The following ROBO1 variants were observed in gnomAD, a reference collection of about 807,000 sequenced individuals.
The protein encoded by ROBO1 is roundabout guidance receptor 1, also known as roundabout homolog 1.
In ROBO1, 149 loss-of-function variants were observed where a neutral mutation model predicts 195.9. The ratio of observed to expected loss-of-function variants is 0.76; its 90% confidence interval spans 0.67 to 0.87. The LOEUF (loss-of-function observed/expected upper bound fraction) is 0.87. Among genes scored for constraint, ROBO1 ranks in the 40% least tolerant of loss-of-function variants. ROBO1 has a pLI of 0.00. For missense variants in ROBO1, 1,933 were observed against 2,068.3 expected (o/e 0.93, Z 1.27); for synonymous variants, 816 against 733.2 (o/e 1.11, Z -1.82).
Position 78,864,713 on chromosome 3 carries a change from C to G in ROBO1, c.499+73888G>C, listed in dbSNP as rs552088562. On this transcript the variant is annotated intron_variant, in intron 4 of 30. Transcript: ENST00000464233. The stretch of plus-strand genomic sequence containing the variant: ...GCATGTATGTATATATACATATATA[C>G]ACATGTGTGTATATATACATACATA... 3.0e-4 allele frequency among the ~76,000 whole-genome samples: 46 copies of G among 151,280 alleles called. No individual in the cohort carries two copies. In the South Asian group the frequency reaches 9.4e-3, roughly 31 times the overall value.
chr3:79,346,838 A>C (rs558146712), intron 2 of ROBO1, among the ~76,000 whole-genome samples: 1 of 151,700 alleles, frequency 6.6e-6, no homozygotes, highest in Non-Finnish European at 1.5e-5. Flanking sequence ...TATAGATTAC[A>C]TTAATAATTA....
rs141834580 is a variant in ROBO1 at position 79,257,635 on chromosome 3, T to G, written c.89-132096A>C. Among the ~76,000 whole-genome samples the G allele has an allele frequency of 2.1e-3, 325 of 152,220 alleles. 2 individuals carry two copies. The highest frequency in any genetic ancestry group is 7.5e-3 in the African/African-American group (311 of 41,540). On this transcript the variant is annotated intron_variant, in intron 2 of 30. Coordinates refer to ENST00000464233, the MANE Select transcript of ROBO1 (RefSeq NM_002941.4). ...GCTCATTTTATACCATAATGATTGTTTGAAGTAAGCAGGAAAGGGGGAACA... is the reference window on the plus strand; with the variant it reads ...GCTCATTTTATACCATAATGATTGTGTGAAGTAAGCAGGAAAGGGGGAACA...
intron 3 of ROBO1, among the ~76,000 whole-genome samples, chr3:79,011,798 T>C (rs1413329524): frequency 1.3e-5 from 2 of 152,012 alleles, no homozygotes; most frequent in Non-Finnish European, 2.9e-5. Flanking sequence ...GTTATGCTCA[T>C]TGAAATTGTA....
chr3:79,426,997 G>A (rs1275078953), intron 2 of ROBO1, among the ~76,000 whole-genome samples: 6 of 151,858 alleles, frequency 4.0e-5, no homozygotes, highest in African/African-American at 9.7e-5. Flanking sequence ...TCCTTATCCC[G>A]GTTTTATAAA....
intron 2 of ROBO1, among the ~76,000 whole-genome samples, chr3:79,431,373 C>A (rs1312587924): frequency 1.3e-5 from 2 of 152,056 alleles, no homozygotes; most frequent in Non-Finnish European, 2.9e-5. Flanking sequence ...TCATTCCCAC[C>A]GTGCAAGTGG....
intron 2 of ROBO1, among the ~76,000 whole-genome samples, chr3:79,174,608 C>T (rs1004343229): frequency 2.6e-5 from 4 of 151,994 alleles, no homozygotes; most frequent in East Asian, 1.9e-4. Context: ...AATAGGAACA[C>T]GTGGGTTCAT....
At chr3:78,949,659 A>G (rs2040661696) in intron 3 of ROBO1, among the ~76,000 whole-genome samples, 1 of 152,044 alleles carries the variant, frequency 6.6e-6, no homozygotes, top group African/African-American at 2.4e-5. Flanking sequence ...AAATTGACAA[A>G]TGGGATCTAA....
At chr3:79,334,352 GTATA>G (rs896930328) in intron 2 of ROBO1, among the ~76,000 whole-genome samples, 1 of 142,396 alleles carries the variant, frequency 7.0e-6, no homozygotes, top group Non-Finnish European at 1.5e-5. Flanking sequence ...ATGTATATAT[GTATA>G]TATATATGTA....
At chr3:79,203,176 G>A (rs1427570880) in intron 2 of ROBO1, among the ~76,000 whole-genome samples, 1 of 152,174 alleles carries the variant, frequency 6.6e-6, no homozygotes, top group African/African-American at 2.4e-5. Flanking sequence ...GGACAAGAAA[G>A]CAGATCTGGA....
rs527449365 is a variant in ROBO1, at chr3:79,560,515, T to A, written c.88+29309A>T. Among the ~76,000 whole-genome samples the A allele has an allele frequency of 4.9e-4, 63 of 128,042 alleles. 1 individual carries two copies. In the East Asian group the frequency reaches 0.012, roughly 25 times the overall value. The allele number at this position is 128,042 out of a possible 152,430, so 84.0% of individuals were successfully genotyped here. On this transcript the variant is annotated intron_variant, in intron 2 of 30. Transcript: ENST00000464233. ...ACATTGTGCACATGTACCCTAAAACTTAAAGTATAATAATAATAATTATAT... is the reference window on the plus strand; with the variant it reads ...ACATTGTGCACATGTACCCTAAAACATAAAGTATAATAATAATAATTATAT...
intron 2 of ROBO1, among the ~76,000 whole-genome samples, chr3:79,298,155 A>G (rs888661887): frequency 5.3e-5 from 8 of 152,140 alleles, no homozygotes; most frequent in Admixed American, 5.2e-4. Flanking sequence ...CTCTGGGTAG[A>G]GAGAGGCAGG....
At chr3:78,861,860 C>T (rs948972546) in intron 4 of ROBO1, among the ~76,000 whole-genome samples, 1 of 152,118 alleles carries the variant, frequency 6.6e-6, no homozygotes, top group African/African-American at 2.4e-5. Context: ...ATATTTAATA[C>T]AAGCTGCTCA....
intron 2 of ROBO1, among the ~76,000 whole-genome samples, chr3:79,139,494 T>C (rs2080478079): frequency 6.6e-6 from 1 of 152,078 alleles, no homozygotes; most frequent in Non-Finnish European, 1.5e-5. Context: ...TGTCTAAACG[T>C]TTGGTTTAAG....
chr3:79,175,724 C>A (rs1042241878), intron 2 of ROBO1, among the ~76,000 whole-genome samples: 1 of 152,116 alleles, frequency 6.6e-6, no homozygotes. Flanking sequence ...CATATTTGGC[C>A]ATGTGACATA....
At chr3:79,146,412 C>T (rs2080651940) in intron 2 of ROBO1, among the ~76,000 whole-genome samples, 1 of 151,846 alleles carries the variant, frequency 6.6e-6, no homozygotes, top group South Asian at 2.1e-4. Flanking sequence ...TTTTTGTGAA[C>T]ATAACTGCAG....
At chr3:79,238,375 A>T (rs2082452415) in intron 2 of ROBO1, among the ~76,000 whole-genome samples, 1 of 152,190 alleles carries the variant, frequency 6.6e-6, no homozygotes, top group Non-Finnish European at 1.5e-5. Context: ...ATTTCTGGAA[A>T]TGCAATACTC....
At chr3:78,840,764 C>G (rs1342736360) in intron 4 of ROBO1, among the ~76,000 whole-genome samples, 1 of 151,980 alleles carries the variant, frequency 6.6e-6, no homozygotes, top group Non-Finnish European at 1.5e-5. Flanking sequence ...ATGAAATTAT[C>G]AAAAGTAAGT....
At chr3:78,844,381 A>C (rs1339809880) in intron 4 of ROBO1, among the ~76,000 whole-genome samples, 1 of 152,038 alleles carries the variant, frequency 6.6e-6, no homozygotes, top group Non-Finnish European at 1.5e-5. Context: ...CAACTGTTTA[A>C]TATATTCCCG....
At chr3:79,470,035 T>C (rs1384369650) in intron 2 of ROBO1, among the ~76,000 whole-genome samples, 1 of 152,186 alleles carries the variant, frequency 6.6e-6, no homozygotes, top group African/African-American at 2.4e-5. Flanking sequence ...CTTTAAGTTC[T>C]AGGGTACATG....
Sources: allele counts gnomAD v4.1 joint callset (sites outside exome capture counted in the v4.1 genomes callset), GRCh38; gene constraint gnomAD v4.1.1; transcripts MANE v1.5; gene names NCBI Gene and HGNC (gene_info 2026-07-23, HGNC 2026-07-21).